The following BAZ2B variants were observed in gnomAD, a reference collection of about 807,000 sequenced individuals.
BAZ2B encodes bromodomain adjacent to zinc finger domain 2B.
Under a neutral mutation model 246.0 loss-of-function variants are expected in BAZ2B, and 91 were observed. The observed-to-expected ratio is 0.37, with a 90% CI of 0.31 to 0.44. BAZ2B has a LOEUF of 0.44. BAZ2B is among the 20% of genes least tolerant of loss of function. The pLI is 1.00. For missense variants in BAZ2B, 2,332 were observed against 2,533.7 expected (o/e 0.92, Z 1.71); for synonymous variants, 855 against 860.0 (o/e 0.99, Z 0.10).
chr2:159,563,620 T>C lies in BAZ2B; in HGVS notation c.-45-7755A>G, dbSNP rs1023960226. On this transcript the variant is annotated intron_variant, in intron 1 of 36. Transcript: ENST00000392783. Reference sequence around the variant, plus strand: ...TACACATATGTGGTACCCAGAATAGTCAAATTCATAGAGACAGAAAGTAAA... The same window carrying C: ...TACACATATGTGGTACCCAGAATAGCCAAATTCATAGAGACAGAAAGTAAA... 7.2e-5 allele frequency among the ~76,000 whole-genome samples: 11 copies of C among 152,204 alleles called. 1 individual carries two copies. The highest frequency in any genetic ancestry group is 5.9e-4 in the Admixed American group (9 of 15,304).
At chr2:159,340,780 G>A (rs2066553143) in intron 31 of BAZ2B, among the ~76,000 whole-genome samples, 1 of 152,012 alleles carries the variant, frequency 6.6e-6, no homozygotes, top group Non-Finnish European at 1.5e-5. Context: ...ATATCTGAAA[G>A]TAAAAAGATG....
the BAZ2B span, among the ~76,000 whole-genome samples, chr2:159,660,070 C>T: frequency 3.0e-3 from 452 of 152,280 alleles, 1 homozygote; most frequent in Non-Finnish European, 5.2e-3. Context: ...ACTTTTTCAT[C>T]ATGCCAAACA....
intron 2 of BAZ2B, among the ~76,000 whole-genome samples, chr2:159,497,722 T>C (rs569036917): frequency 6.6e-6 from 1 of 152,280 alleles, no homozygotes; most frequent in African/African-American, 2.4e-5. Flanking sequence ...AGAGTAAATG[T>C]ACAGAGAAGT....
At chr2:159,523,960 C>T (rs2084435452) in intron 2 of BAZ2B, among the ~76,000 whole-genome samples, 1 of 152,018 alleles carries the variant, frequency 6.6e-6, no homozygotes, top group Admixed American at 6.6e-5. Flanking sequence ...ATATGGACTA[C>T]TGATTTAAAA....
the BAZ2B span, among the ~76,000 whole-genome samples, chr2:159,636,111 C>T: frequency 1.3e-5 from 2 of 152,080 alleles, no homozygotes; most frequent in Non-Finnish European, 2.9e-5. Flanking sequence ...GGGCAGAGCA[C>T]GGTGGCAGAA....
chr2:159,635,639 C>CT, the BAZ2B span, among the ~76,000 whole-genome samples: 1 of 150,656 alleles, frequency 6.6e-6, no homozygotes, highest in South Asian at 2.1e-4. Context: ...TTCTGCTACT[C>CT]TTCCCTTCCT....
Position 159,335,543 on chromosome 2 carries a change from CAAAAA to C in BAZ2B, c.5796+1394_5796+1398del, listed in dbSNP as rs10590482. Among the ~76,000 whole-genome samples, 11 of 112,220 alleles carry C rather than the reference CAAAAA, an allele frequency of 9.8e-5. No homozygotes were observed. The South Asian group carries it at 1.2e-3, about 12-fold the overall frequency. 73.6% of individuals were successfully genotyped at this position (112,220 alleles called of 152,430 possible). A position where few individuals can be genotyped will look rare whatever the true frequency, so the allele number is the denominator to read the frequency against. On this transcript the variant is annotated intron_variant, in intron 33 of 36. Coordinates refer to ENST00000392783, the MANE Select transcript of BAZ2B (RefSeq NM_013450.4). The stretch of plus-strand genomic sequence containing the variant: ...AGCCTGGGCAACAGAGACTCTGTCT[CAAAAA>C]AAAAAAAAAAAAAAATTATAGTAAA...
At chr2:159,398,703 G>C in intron 18 of BAZ2B, 126 bp downstream of exon 18, 1 of 778,652 alleles carries the variant, frequency 1.3e-6, no homozygotes, top group Non-Finnish European at 2.0e-6. Context: ...TACACATGTA[G>C]TATCTGCTAA....
intron 2 of BAZ2B, among the ~76,000 whole-genome samples, chr2:159,493,474 T>C (rs150476791): frequency 6.6e-6 from 1 of 152,316 alleles, no homozygotes; most frequent in African/African-American, 2.4e-5. Context: ...TTAGGGCAGA[T>C]ACTACCTTAT....
chr2:159,448,959 C>T (rs2150398385), intron 4 of BAZ2B, among the ~76,000 whole-genome samples: 1 of 152,158 alleles, frequency 6.6e-6, no homozygotes, highest in East Asian at 1.9e-4. Flanking sequence ...ATCAGTAGGC[C>T]TTTTTATGTT....
At chr2:159,553,392 CAAAAAAAAAAA>C (rs35253250) in intron 2 of BAZ2B, among the ~76,000 whole-genome samples, 7 of 73,822 alleles carry the variant, frequency 9.5e-5, no homozygotes, top group East Asian at 9.2e-4. Context: ...GACTCTGTCT[CAAAAAAAAAAA>C]AAAAAAAAAA....
chr2:159,688,913 T>C, the BAZ2B span, among the ~76,000 whole-genome samples: 1 of 152,250 alleles, frequency 6.6e-6, no homozygotes, highest in African/African-American at 2.4e-5. Flanking sequence ...TTGGTCCCAC[T>C]ACTGTTAGTG....
chr2:159,320,630 G>GA (rs1042706166), intron 36 of BAZ2B, among the ~76,000 whole-genome samples: 2 of 152,046 alleles, frequency 1.3e-5, no homozygotes, highest in Non-Finnish European at 1.5e-5. Flanking sequence ...CAGGTTAAAT[G>GA]AAAAAATAGG....
chr2:159,454,119 T>C (rs1559481469), intron 3 of BAZ2B, among the ~76,000 whole-genome samples: 1 of 152,096 alleles, frequency 6.6e-6, no homozygotes, highest in Non-Finnish European at 1.5e-5. Flanking sequence ...TTAATATATA[T>C]ACATTAATAT....
chr2:159,617,230 G>C (rs1277738906), upstream of BAZ2B: 1 of 151,938 alleles, frequency 6.6e-6, no homozygotes, highest in African/African-American at 2.4e-5. Context: ...AAGACTGGTA[G>C]CCCTTTGCTC....
chr2:159,428,852 G>T (rs977526916), intron 11 of BAZ2B, among the ~76,000 whole-genome samples: 3 of 152,002 alleles, frequency 2.0e-5, no homozygotes, highest in African/African-American at 7.2e-5. Context: ...CCTCAATTTT[G>T]ACCAAAGTGG....
chr2:159,324,272 T>A (rs1321123139), intron 36 of BAZ2B, among the ~76,000 whole-genome samples: 1 of 152,140 alleles, frequency 6.6e-6, no homozygotes, highest in Non-Finnish European at 1.5e-5. Flanking sequence ...GCAAATAAGC[T>A]TTCTCTCCCG....
the BAZ2B span, among the ~76,000 whole-genome samples, chr2:159,669,207 G>A: frequency 2.6e-5 from 4 of 151,238 alleles, no homozygotes; most frequent in Non-Finnish European, 4.4e-5. Flanking sequence ...TTTCTTCTTT[G>A]TCCTATTTTT....
At chr2:159,480,588 A>G (rs1352854900) in intron 2 of BAZ2B, among the ~76,000 whole-genome samples, 5 of 152,240 alleles carry the variant, frequency 3.3e-5, no homozygotes, top group Middle Eastern at 3.4e-3. Context: ...GCGTGCACAC[A>G]CACACACACA....
Sources: allele counts gnomAD v4.1 joint callset (sites outside exome capture counted in the v4.1 genomes callset), GRCh38; gene constraint gnomAD v4.1.1; transcripts MANE v1.5; gene names NCBI Gene and HGNC (gene_info 2026-07-23, HGNC 2026-07-21).